The following CSMD1 variants were observed in gnomAD, a reference collection of about 807,000 sequenced individuals.
CSMD1 encodes the protein CUB and sushi domain-containing protein 1.
Under a neutral mutation model 417.5 loss-of-function variants are expected in CSMD1, and 213 were observed. The ratio of observed to expected loss-of-function variants is 0.51; its 90% CI spans 0.46 to 0.57. CSMD1 has a LOEUF of 0.57. Among genes scored for constraint, CSMD1 ranks in the 20% least tolerant of loss-of-function variants. The pLI, the probability that CSMD1 is intolerant of heterozygous loss-of-function variation, is 0.00. For missense variants in CSMD1, 6,923 were observed against 4,529.7 expected (o/e 1.53, Z -15.17); for synonymous variants, 2,862 against 1,736.8 (o/e 1.65, Z -16.11).
intron 1 of CSMD1, among the ~76,000 whole-genome samples, chr8:4,735,017 G>A (rs962874157): frequency 6.6e-6 from 1 of 152,198 alleles, no homozygotes; most frequent in Non-Finnish European, 1.5e-5. Flanking sequence ...CGGGTTGTTT[G>A]AAATCACATC....
intron 3 of CSMD1, among the ~76,000 whole-genome samples, chr8:4,388,956 C>G (rs1331237961): frequency 6.6e-6 from 1 of 152,154 alleles, no homozygotes; most frequent in Non-Finnish European, 1.5e-5. Context: ...ATCTCTACGT[C>G]TCTTACCTCA....
intron 5 of CSMD1, among the ~76,000 whole-genome samples, chr8:3,781,080 G>C (rs1002193778): frequency 6.6e-6 from 1 of 152,136 alleles, no homozygotes; most frequent in Non-Finnish European, 1.5e-5. Context: ...AGCCTGTTAT[G>C]ATCATGGCAC....
intron 5 of CSMD1, among the ~76,000 whole-genome samples, chr8:3,851,839 G>C (rs554322362): frequency 3.3e-5 from 5 of 152,296 alleles, no homozygotes; most frequent in Middle Eastern, 3.4e-3. Context: ...GGCGCCAGGA[G>C]GGTCGGGTGG....
chr8:4,805,763 T>C (rs887878706), intron 1 of CSMD1, among the ~76,000 whole-genome samples: 3 of 152,208 alleles, frequency 2.0e-5, no homozygotes, highest in Non-Finnish European at 4.4e-5. Context: ...ATTCCATTAA[T>C]GAATACAGGA....
chr8:4,405,840 C>G (rs1246118145), intron 3 of CSMD1, among the ~76,000 whole-genome samples: 1 of 152,176 alleles, frequency 6.6e-6, no homozygotes, highest in African/African-American at 2.4e-5. Context: ...CAAGACACAG[C>G]TTAGAAGTGA....
chr8:4,113,020 T>C (rs1341711705), intron 3 of CSMD1, among the ~76,000 whole-genome samples: 3 of 152,186 alleles, frequency 2.0e-5, no homozygotes, highest in Non-Finnish European at 2.9e-5. Flanking sequence ...CAGTGGTCAA[T>C]GATCCTTGAT....
rs573951902 is a variant in CSMD1, at chr8:4,434,612, TC to T, written c.303-14548del. 7.9e-5 allele frequency among the ~76,000 whole-genome samples: 12 copies of T among 152,240 alleles called. No individual in the cohort carries two copies. The South Asian group carries it at 2.5e-3, about 32-fold the overall frequency. ...CAGTCAATGAAGCTAATCCAAAATT[TC>T]CACCCAATTAAAGACAGAGTAACAA... On this transcript the variant is annotated intron_variant, in intron 2 of 69. Coordinates refer to ENST00000635120, the MANE Select transcript of CSMD1 (RefSeq NM_033225.6).
chr8:4,304,548 G>A (rs537013773), intron 3 of CSMD1, among the ~76,000 whole-genome samples: 113 of 152,242 alleles, frequency 7.4e-4, no homozygotes, highest in Admixed American at 1.6e-3. Context: ...AGCTCATCGT[G>A]ATAATCAATT....
At chr8:3,693,560 G>A (rs1026669960) in intron 7 of CSMD1, among the ~76,000 whole-genome samples, 3 of 152,030 alleles carry the variant, frequency 2.0e-5, no homozygotes, top group Non-Finnish European at 2.9e-5. Context: ...AATGTCCCCA[G>A]CACAGTTCTA....
chr8:3,496,101 C>A (rs1047900785), intron 10 of CSMD1, among the ~76,000 whole-genome samples: 14 of 152,132 alleles, frequency 9.2e-5, no homozygotes, highest in African/African-American at 3.1e-4. Flanking sequence ...TTGTTCCTCT[C>A]CCTGTGTTCA....
intron 2 of CSMD1, among the ~76,000 whole-genome samples, chr8:4,595,635 T>C (rs1293016438): frequency 2.0e-5 from 3 of 152,156 alleles, no homozygotes; most frequent in African/African-American, 7.2e-5. Context: ...GGTACTGCGA[T>C]GCATGTCTGT....
chr8:4,456,394 A>C (rs1441531423), intron 2 of CSMD1, among the ~76,000 whole-genome samples: 1 of 152,248 alleles, frequency 6.6e-6, no homozygotes, highest in Non-Finnish European at 1.5e-5. Context: ...GCTAGGTATC[A>C]AAGACAAGAT....
chr8:4,113,411 T>A (rs1246473410), intron 3 of CSMD1, among the ~76,000 whole-genome samples: 1 of 139,544 alleles, frequency 7.2e-6, no homozygotes, highest in Non-Finnish European at 1.6e-5. Context: ...TTTTTTTTTT[T>A]TTTTTTTAAA....
At chr8:4,447,584 G>C (rs754478139) in intron 2 of CSMD1, among the ~76,000 whole-genome samples, 4 of 152,182 alleles carry the variant, frequency 2.6e-5, no homozygotes, top group Admixed American at 6.5e-5. Flanking sequence ...TCTGTCAACA[G>C]AAAACGCTTT....
chr8:4,515,679 A>G (rs1161609770), intron 2 of CSMD1, among the ~76,000 whole-genome samples: 2 of 152,170 alleles, frequency 1.3e-5, no homozygotes, highest in Non-Finnish European at 2.9e-5. Flanking sequence ...GCCTGTGGTA[A>G]GCAAGATGAG....
At chr8:3,764,973 G>T (rs769867527) in intron 5 of CSMD1, among the ~76,000 whole-genome samples, 1 of 151,928 alleles carries the variant, frequency 6.6e-6, no homozygotes, top group Non-Finnish European at 1.5e-5. Flanking sequence ...TCGAACTCCT[G>T]ACCTCAGGTG....
intron 5 of CSMD1, among the ~76,000 whole-genome samples, chr8:3,794,018 G>A (rs532876414): frequency 6.6e-6 from 1 of 152,224 alleles, no homozygotes; most frequent in African/African-American, 2.4e-5. Context: ...CCCACGCGTA[G>A]ACAGACGAAA....
At chr8:4,118,989 G>A (rs1802320206) in intron 3 of CSMD1, among the ~76,000 whole-genome samples, 1 of 152,086 alleles carries the variant, frequency 6.6e-6, no homozygotes, top group Non-Finnish European at 1.5e-5. Flanking sequence ...ACTAACACAA[G>A]AACGGCAAAC....
intron 3 of CSMD1, among the ~76,000 whole-genome samples, chr8:4,363,060 T>C (rs1004751383): frequency 6.6e-6 from 1 of 152,176 alleles, no homozygotes; most frequent in Non-Finnish European, 1.5e-5. Context: ...GAAAATTGAA[T>C]TTTCTCTTCA....
Sources: gnomAD v4.1 joint callset for allele counts (sites outside exome capture counted in the v4.1 genomes callset) on GRCh38, gnomAD v4.1.1 for gene constraint, MANE v1.5 for transcripts, NCBI Gene and HGNC (gene_info 2026-07-23, HGNC 2026-07-21) for gene names.